The following SH3RF1 variants were observed in gnomAD, a reference collection of about 807,000 sequenced individuals.
SH3RF1 encodes the protein E3 ubiquitin-protein ligase SH3RF1.
In SH3RF1, 32 loss-of-function variants were observed where a neutral mutation model predicts 74.0. The observed-to-expected ratio is 0.43, with a 90% CI of 0.33 to 0.58. The LOEUF is 0.58. SH3RF1 is among the 20% of genes least tolerant of loss of function. The probability of loss-of-function intolerance (pLI) is 0.05; values close to 1 mark genes in which losing one functional copy is unlikely to be tolerated. For missense variants in SH3RF1, 954 were observed against 1,130.9 expected (o/e 0.84, Z 2.24); for synonymous variants, 396 against 439.6 (o/e 0.90, Z 1.24).
chr4:169,094,649 A>G lies in SH3RF1; in HGVS notation c.*1870T>C, dbSNP rs1481722696. The G allele has an allele frequency of 6.6e-6, 1 of 152,400 alleles. No individual in the cohort carries two copies. The highest frequency in any genetic ancestry group is 1.5e-5 in the Non-Finnish European group (1 of 68,024). 9.4% of individuals were successfully genotyped at this position (152,400 alleles called of 1,614,324 possible). ...TTATGACACATTGGTGTCAACTTAC[A>G]CAGATGAAAGCTGATGCCAGCTTTT... On this transcript the variant is annotated 3_prime_UTR_variant, in exon 12 of 12. Transcript: ENST00000284637.
intron 2 of SH3RF1, among the ~76,000 whole-genome samples, chr4:169,175,276 C>A (rs556014960): frequency 2.0e-5 from 3 of 152,308 alleles, no homozygotes; most frequent in Admixed American, 6.5e-5. Flanking sequence ...ACCTATTATC[C>A]ACAGTCTTGC....
intron 2 of SH3RF1, among the ~76,000 whole-genome samples, chr4:169,214,722 T>C (rs554709085): frequency 6.6e-6 from 1 of 152,300 alleles, no homozygotes; most frequent in East Asian, 1.9e-4. Flanking sequence ...GGTGCTAATG[T>C]AAATGGCAAT....
chr4:169,230,141 C>G (rs780863634), intron 2 of SH3RF1, among the ~76,000 whole-genome samples: 40 of 152,250 alleles, frequency 2.6e-4, no homozygotes, highest in Non-Finnish European at 5.0e-4. Flanking sequence ...GGGGCGGAGG[C>G]TGCAGTGAGC....
In SH3RF1 at chr4:169,122,233, G is replaced by C. The variant is rs1310505517; in HGVS notation, c.1213C>G (p.Leu405Val). ...LNPPLPPPPL[L>V]AATVLASTPP... ...GTGGAGGCAAGGACAGTGGCAGCCAGGAGAGGGGGTGGTGGAAGAGGAGGA... is the reference window on the plus strand; with the variant it reads ...GTGGAGGCAAGGACAGTGGCAGCCACGAGAGGGGGTGGTGGAAGAGGAGGA... Residue 405 changes from leucine (L) to valine (V), a missense_variant, in exon 7 of 12, where the codon CTG becomes GTG. This residue lies in a region of SH3RF1 where 854 missense variants were observed against 962.5 expected (regional missense o/e 0.89). Transcript: ENST00000284637. 1.9e-6 allele frequency: 3 copies of C among 1,610,282 alleles called. No homozygotes were observed. Among genetic ancestry groups the C allele is most frequent in the Non-Finnish European group, 2.5e-6 (3 of 1,178,016 alleles).
intron 10 of SH3RF1, among the ~76,000 whole-genome samples, chr4:169,111,024 C>T (rs78089052): frequency 6.6e-6 from 1 of 151,610 alleles, no homozygotes; most frequent in Non-Finnish European, 1.5e-5. Context: ...ATTTTTTTTT[C>T]AGACCAGGCG....
At chr4:169,121,038 CCA>C (rs1733428940) in intron 7 of SH3RF1, 49 bp from the exon 8 acceptor site, 1 of 1,471,056 alleles carries the variant, frequency 6.8e-7, no homozygotes, top group African/African-American at 1.4e-5. Context: ...CAGACAAATC[CCA>C]AGATGCTCAA....
intron 2 of SH3RF1, among the ~76,000 whole-genome samples, chr4:169,190,988 T>C (rs1396104961): frequency 2.0e-5 from 3 of 152,078 alleles, no homozygotes; most frequent in South Asian, 2.1e-4. Context: ...ATCATCTCAA[T>C]AGATGCAGAA....
At chr4:169,238,137 T>C (rs916530982) in intron 2 of SH3RF1, among the ~76,000 whole-genome samples, 2 of 152,232 alleles carry the variant, frequency 1.3e-5, no homozygotes, top group African/African-American at 2.4e-5. Flanking sequence ...CCTCCTACTG[T>C]AATACTCTAA....
chr4:169,264,787 A>T (rs908308082), intron 2 of SH3RF1, among the ~76,000 whole-genome samples: 1 of 152,172 alleles, frequency 6.6e-6, no homozygotes, highest in Non-Finnish European at 1.5e-5. Flanking sequence ...GATGCCTTCT[A>T]CATTATCAAA....
At chr4:169,204,550 C>CTTTTTTTT (rs35188309) in intron 2 of SH3RF1, among the ~76,000 whole-genome samples, 2 of 114,150 alleles carry the variant, frequency 1.8e-5, no homozygotes, top group Non-Finnish European at 3.6e-5. Flanking sequence ...ATTACCTTCT[C>CTTTTTTTT]TTTTTTTTTT....
intron 6 of SH3RF1, among the ~76,000 whole-genome samples, chr4:169,126,442 C>T (rs997519410): frequency 2.6e-5 from 4 of 152,182 alleles, no homozygotes; most frequent in African/African-American, 9.7e-5. Flanking sequence ...CAGCCTCATC[C>T]TCTACTTCCA....
At chr4:169,165,307 C>T (rs893616388) in intron 2 of SH3RF1, among the ~76,000 whole-genome samples, 3 of 152,108 alleles carry the variant, frequency 2.0e-5, no homozygotes, top group African/African-American at 7.2e-5. Flanking sequence ...CTTATCTAAT[C>T]CTACAGAAAT....
chr4:169,160,147 G>A (rs1449045097), intron 2 of SH3RF1, among the ~76,000 whole-genome samples: 2 of 152,022 alleles, frequency 1.3e-5, no homozygotes, highest in African/African-American at 4.8e-5. Context: ...GGCCCACTCT[G>A]TCCAAATCCA....
chr4:169,096,792 T>C (rs2126932351), intron 11 of SH3RF1, 105 bp from the exon 12 acceptor site: 1 of 1,061,244 alleles, frequency 9.4e-7, no homozygotes, highest in East Asian at 2.5e-5. Context: ...GAAATAACAT[T>C]AATTCATTTA....
chr4:169,222,765 TAAC>T (rs1353655069), intron 2 of SH3RF1, among the ~76,000 whole-genome samples: 1 of 152,180 alleles, frequency 6.6e-6, no homozygotes, highest in Non-Finnish European at 1.5e-5. Flanking sequence ...GAACTTATGT[TAAC>T]AACTCTCTAT....
intron 2 of SH3RF1, among the ~76,000 whole-genome samples, chr4:169,261,149 G>C (rs1731273100): frequency 6.6e-6 from 1 of 152,128 alleles, no homozygotes; most frequent in South Asian, 2.1e-4. Flanking sequence ...CCGCATCTTT[G>C]AGCTGAAGAA....
intron 2 of SH3RF1, among the ~76,000 whole-genome samples, chr4:169,172,152 G>A (rs748086229): frequency 2.0e-5 from 3 of 152,196 alleles, no homozygotes; most frequent in Non-Finnish European, 4.4e-5. Context: ...GAAAGCAAGA[G>A]CTGAAAACAT....
chr4:169,117,743 A>G lies in SH3RF1; in HGVS notation c.1557T>C (p.Ser519=), dbSNP rs74798922. ...TNASQAKVPM[S]TAGQTSRGVT... ...CTCCCCGACTTGTCTGGCCAGCTGT[A>G]GACATAGGGACTTTAGCTTGGGAAG... Residue 519 remains serine (S), a synonymous_variant, in exon 9 of 12, where the codon TCT becomes TCC. Transcript: ENST00000284637. The G allele has an allele frequency of 0.017, 28,213 of 1,614,016 alleles. 595 individuals carry two copies. The highest frequency in any genetic ancestry group is 0.11 in the East Asian group (4,977 of 44,872).
At position 169,094,315 on chromosome 4, in the gene SH3RF1, A is replaced by C. The variant is rs1732875803; in HGVS notation, c.*2204T>G. 1 of 152,142 alleles carries C rather than the reference A, an allele frequency of 6.6e-6. No individual in the cohort carries two copies. Among genetic ancestry groups the C allele is most frequent in the Non-Finnish European group, 1.5e-5 (1 of 68,020 alleles). 9.4% of individuals were successfully genotyped at this position (152,142 alleles called of 1,614,324 possible). Reference sequence around the variant, plus strand: ...CCTTTTATCCAGTCCTCAAATTATTAACATGAAAAGGAGTGATAAATCGCA... The same window carrying C: ...CCTTTTATCCAGTCCTCAAATTATTCACATGAAAAGGAGTGATAAATCGCA... On this transcript the variant is annotated 3_prime_UTR_variant, in exon 12 of 12. Coordinates refer to ENST00000284637, the MANE Select transcript of SH3RF1 (RefSeq NM_020870.4).
Sources: allele counts gnomAD v4.1 joint callset (sites outside exome capture counted in the v4.1 genomes callset), GRCh38; gene constraint gnomAD v4.1.1; regional missense constraint gnomAD v4.1.1; transcripts MANE v1.5; gene names NCBI Gene and HGNC (gene_info 2026-07-23, HGNC 2026-07-21).